TMEM132C: variants seen among roughly 807,000 people sequenced by gnomAD.
The protein encoded by TMEM132C is transmembrane protein 132C, also known as protein phosphatase 1, regulatory subunit 152.
In TMEM132C, 29 loss-of-function variants were observed where a neutral mutation model predicts 61.4. That is an observed-to-expected ratio of 0.47 (90% CI 0.35 to 0.64). The LOEUF is 0.64. TMEM132C is among the 30% of genes least tolerant of loss of function. TMEM132C has a pLI of 0.00. For missense variants in TMEM132C, 1,408 were observed against 1,476.9 expected, an observed-to-expected ratio of 0.95 and a Z score of 0.76; for synonymous variants, 656 against 633.1, an observed-to-expected ratio of 1.04 and a Z score of -0.54.
chr12:128,531,371 G>C (rs896714298), intron 2 of TMEM132C, among the ~76,000 whole-genome samples: 1 of 152,142 alleles, frequency 6.6e-6, no homozygotes, highest in Non-Finnish European at 1.5e-5. Flanking sequence ...GAAAAAGAGC[G>C]CTCAATTGGA....
chr12:128,618,520 C>A (rs1181890068), intron 4 of TMEM132C, among the ~76,000 whole-genome samples: 1 of 152,198 alleles, frequency 6.6e-6, no homozygotes, highest in Non-Finnish European at 1.5e-5. Flanking sequence ...TTGGCTGTGT[C>A]CCTACCCAAA....
chr12:128,703,721 C>T (rs140878286), intron 8 of TMEM132C, among the ~76,000 whole-genome samples: 12 of 152,322 alleles, frequency 7.9e-5, no homozygotes, highest in Middle Eastern at 3.4e-3. Flanking sequence ...AATAGTGCTG[C>T]GATGAACATA....
At chr12:128,497,834 C>T (rs945229616) in intron 2 of TMEM132C, among the ~76,000 whole-genome samples, 3 of 152,158 alleles carry the variant, frequency 2.0e-5, no homozygotes, top group African/African-American at 4.8e-5. Flanking sequence ...ACCCACTGTC[C>T]TGCCCCCAAT....
intron 5 of TMEM132C, among the ~76,000 whole-genome samples, chr12:128,689,175 T>G (rs558693076): frequency 6.6e-6 from 1 of 152,256 alleles, no homozygotes; most frequent in African/African-American, 2.4e-5. Context: ...AGATTATAAT[T>G]GTATATATTT....
At chr12:128,517,219 A>G (rs1308803780) in intron 2 of TMEM132C, among the ~76,000 whole-genome samples, 1 of 148,270 alleles carries the variant, frequency 6.7e-6, no homozygotes, top group African/African-American at 2.5e-5. Context: ...TGACAAAGCA[A>G]GACTCCGTCT....
chr12:128,486,089 A>G (rs897067066), intron 2 of TMEM132C, among the ~76,000 whole-genome samples: 9 of 152,196 alleles, frequency 5.9e-5, no homozygotes, highest in African/African-American at 4.8e-5. Flanking sequence ...GCAATAATTC[A>G]CAGAGACAGA....
chr12:128,599,297 C>G (rs1387382092), intron 3 of TMEM132C, among the ~76,000 whole-genome samples: 6 of 152,216 alleles, frequency 3.9e-5, no homozygotes, highest in African/African-American at 1.4e-4. Flanking sequence ...AGAATTAAAT[C>G]TCTGCTGCAG....
intron 3 of TMEM132C, among the ~76,000 whole-genome samples, chr12:128,567,625 C>T (rs1230118060): frequency 1.3e-5 from 2 of 152,188 alleles, no homozygotes; most frequent in Admixed American, 6.5e-5. Flanking sequence ...GAATATGTCA[C>T]TAGAAAGTGG....
At chr12:128,466,547 C>T (rs557023868) in intron 2 of TMEM132C, among the ~76,000 whole-genome samples, 1 of 152,272 alleles carries the variant, frequency 6.6e-6, no homozygotes, top group South Asian at 2.1e-4. Flanking sequence ...TCTTTGGAGA[C>T]AGGGTCTCAC....
chr12:128,333,723 T>G (rs1348010259), intron 1 of TMEM132C, among the ~76,000 whole-genome samples: 1 of 150,730 alleles, frequency 6.6e-6, no homozygotes, highest in Non-Finnish European at 1.5e-5. Flanking sequence ...TGTATGAGAG[T>G]GTGTGGTTTG....
At chr12:128,519,098 A>G (rs543770983) in intron 2 of TMEM132C, among the ~76,000 whole-genome samples, 84 of 152,328 alleles carry the variant, frequency 5.5e-4, no homozygotes, top group African/African-American at 1.7e-3. Flanking sequence ...GGGGTGTTAA[A>G]CATAGAAGAT....
intron 1 of TMEM132C, among the ~76,000 whole-genome samples, chr12:128,340,916 T>TCTCTCTC (rs1872954933): frequency 7.8e-6 from 1 of 128,270 alleles, no homozygotes; most frequent in Admixed American, 7.8e-5. Context: ...CTCTCTCTCT[T>TCTCTCTC]TCTCTCTCTC....
intron 4 of TMEM132C, among the ~76,000 whole-genome samples, chr12:128,666,283 G>A (rs1954473532): frequency 7.0e-6 from 1 of 143,090 alleles, no homozygotes; most frequent in Non-Finnish European, 1.5e-5. Flanking sequence ...ACAAACACAG[G>A]CACACACATA....
At chr12:128,620,513 C>A (rs1280958950) in intron 4 of TMEM132C, among the ~76,000 whole-genome samples, 3 of 152,174 alleles carry the variant, frequency 2.0e-5, no homozygotes, top group African/African-American at 7.2e-5. Flanking sequence ...GCGTCATGGA[C>A]TTTCTTCCTA....
At chr12:128,583,551 A>T (rs138280210) in intron 3 of TMEM132C, among the ~76,000 whole-genome samples, 30 of 152,306 alleles carry the variant, frequency 2.0e-4, no homozygotes, top group African/African-American at 6.7e-4. Flanking sequence ...GTCCTACCTG[A>T]TGCTGGGAAC....
In TMEM132C at chr12:128,578,933, A is replaced by G. The variant is rs192342207; in HGVS notation, c.1121+34830A>G. On this transcript the variant is annotated intron_variant, in intron 3 of 8. Coordinates refer to ENST00000435159, the MANE Select transcript of TMEM132C (RefSeq NM_001136103.3). The stretch of plus-strand genomic sequence containing the variant: ...TTTTTAGTAATAGATAAACACAGTT[A>G]TAATTTGGGAGATCGTAAAAACATG... 3.2e-3 allele frequency among the ~76,000 whole-genome samples: 485 copies of G among 152,280 alleles called. 2 individuals are homozygous for G. The highest frequency in any genetic ancestry group is 0.01 in the Middle Eastern group (3 of 294).
chr12:128,566,595 A>G (rs903768662), intron 3 of TMEM132C, among the ~76,000 whole-genome samples: 1 of 152,220 alleles, frequency 6.6e-6, no homozygotes, highest in Non-Finnish European at 1.5e-5. Context: ...TAAAACGCCC[A>G]TGAAATTACT....
At chr12:128,554,986 T>A (rs989978979) in intron 3 of TMEM132C, among the ~76,000 whole-genome samples, 2 of 152,088 alleles carry the variant, frequency 1.3e-5, no homozygotes, top group Non-Finnish European at 2.9e-5. Context: ...CATAGAACAG[T>A]GAGTGATGCC....
chr12:128,282,409 G>A (rs916077667), intron 1 of TMEM132C, among the ~76,000 whole-genome samples: 8 of 152,234 alleles, frequency 5.3e-5, no homozygotes, highest in Non-Finnish European at 1.2e-4. Context: ...AGAAGGCAAA[G>A]GAGAAGCAAG....
Sources: allele counts gnomAD v4.1 joint callset (sites outside exome capture counted in the v4.1 genomes callset), GRCh38; gene constraint gnomAD v4.1.1; transcripts MANE v1.5; gene names NCBI Gene and HGNC (gene_info 2026-07-23, HGNC 2026-07-21).